Variants in MYH9 observed in about 807,000 individuals in gnomAD.
MYH9 encodes the protein myosin-9.
In MYH9, 29 loss-of-function variants were observed where a neutral mutation model predicts 241.9. The ratio of observed to expected loss-of-function variants is 0.12; its 90% CI spans 0.09 to 0.16. The LOEUF (loss-of-function observed/expected upper bound fraction) is 0.16. Ranked by LOEUF, MYH9 falls within the 10% of genes least tolerant of loss-of-function variation. MYH9 has a pLI of 1.00. For missense variants in MYH9, 1,803 were observed against 2,595.5 expected, an observed-to-expected ratio of 0.69 and a Z score of 6.63; for synonymous variants, 1,047 against 1,062.6, an observed-to-expected ratio of 0.99 and a Z score of 0.29.
intron 1 of MYH9, among the ~76,000 whole-genome samples, chr22:36,375,187 T>C (rs2294357): frequency 0.18 from 27,646 of 152,120 alleles, 2,955 homozygotes; most frequent in African/African-American, 0.3. Context: ...AGGAACCCAA[T>C]GGTTTCAAGA....
intron 30 of MYH9, 146 bp from the exon 31 acceptor site, chr22:36,292,380 C>A: frequency 9.4e-7 from 1 of 1,069,218 alleles, no homozygotes; most frequent in Non-Finnish European, 1.4e-6. Flanking sequence ...CTCCCCCAGT[C>A]ACTTCCCTCT....
intron 1 of MYH9, among the ~76,000 whole-genome samples, chr22:36,377,410 G>A (rs1244619490): frequency 6.6e-6 from 1 of 151,884 alleles, no homozygotes; most frequent in Non-Finnish European, 1.5e-5. Context: ...CTTTGTAACA[G>A]CCTTTCTAAA....
chr22:36,318,364 C>T (rs1464500864), intron 10 of MYH9, 39 bp from the exon 11 acceptor site: 1 of 1,472,064 alleles, frequency 6.8e-7, no homozygotes, highest in African/African-American at 1.4e-5. Context: ...ACAAAAAGTC[C>T]TAATTAGACC....
intron 2 of MYH9, among the ~76,000 whole-genome samples, chr22:36,347,793 C>T (rs1363037189): frequency 8.5e-6 from 1 of 117,414 alleles, no homozygotes; most frequent in Non-Finnish European, 1.8e-5. Flanking sequence ...TTAAAAAAGA[C>T]CCTGTCTCAA....
chr22:36,349,024 G>A lies in MYH9; in HGVS notation c.213C>T (p.Asp71=). Residue 71 remains aspartate (D), a synonymous_variant, in exon 2 of 41, where the codon GAC becomes GAT. Transcript: ENST00000216181. ...NGKKVKVNKD[D]IQKMNPPKFS... ...ACTTGGGCGGGTTCATCTTCTGGAT[G>A]TCATCCTTGTTCACCTTCACCTTCT... 1 of 1,614,254 alleles carries A rather than the reference G, an allele frequency of 6.2e-7. No homozygotes were observed. Among genetic ancestry groups the A allele is most frequent in the Admixed American group, 1.7e-5 (1 of 60,032 alleles).
intron 24 of MYH9, among the ~76,000 whole-genome samples, chr22:36,298,401 G>T (rs890837916): frequency 6.6e-6 from 1 of 152,180 alleles, no homozygotes; most frequent in Admixed American, 6.5e-5. Flanking sequence ...GTCAAGCAAT[G>T]AACTTCCGCA....
Position 36,296,717 on chromosome 22 carries a change from T to C in MYH9, c.3272+126A>G, listed in dbSNP as rs556578395. On this transcript the variant is annotated intron_variant, in intron 25 of 40. Coordinates refer to ENST00000216181, the MANE Select transcript of MYH9 (RefSeq NM_002473.6). ...AAGAACTGTTTTGCTATGAAATAAATGGCTCTTTTAAGACAACAGTGGAAA... is the reference window on the plus strand; with the variant it reads ...AAGAACTGTTTTGCTATGAAATAAACGGCTCTTTTAAGACAACAGTGGAAA... The C allele has an allele frequency of 1.3e-5, 14 of 1,093,580 alleles. No individual in the cohort carries two copies. The Admixed American group carries it at 4.1e-4, about 32-fold the overall frequency. The allele number at this position is 1,093,580 out of a possible 1,614,324, so 67.7% of individuals were successfully genotyped here.
At position 36,302,732 on chromosome 22, in the gene MYH9, C is replaced by G. The variant is rs1603483096; in HGVS notation, c.2391-56G>C. 9 of 1,466,616 alleles carry G rather than the reference C, an allele frequency of 6.1e-6. No homozygotes were observed. The East Asian group carries it at 2.1e-4, about 34-fold the overall frequency. The allele number at this position is 1,466,616 out of a possible 1,614,324, so 90.9% of individuals were successfully genotyped here. On this transcript the variant is annotated intron_variant, in intron 19 of 40. Coordinates refer to ENST00000216181, the MANE Select transcript of MYH9 (RefSeq NM_002473.6). ...GCAGTGGACAGCAGACCCGACCTAA[C>G]AGTCCTGGTCTTGTCCTCAAGCTTT... is the stretch of plus-strand genomic sequence containing the variant.
Position 36,281,933 on chromosome 22 carries a change from C to G in MYH9, c.*735G>C. The G allele has an allele frequency of 4.3e-6, 1 of 232,324 alleles. No homozygotes were observed. The highest frequency in any genetic ancestry group is 8.5e-6 in the Non-Finnish European group (1 of 117,248). The allele number at this position is 232,324 out of a possible 1,614,324, so 14.4% of individuals were successfully genotyped here. A position where few individuals can be genotyped will look rare whatever the true frequency, so the allele number is the denominator to read the frequency against. ...AGGCTGCTGGCCTTTCCAGCTTGAC[C>G]CCGACAGCCTTGCTGTGGCAGAGGC... On this transcript the variant is annotated 3_prime_UTR_variant, in exon 41 of 41. Coordinates refer to ENST00000216181, the MANE Select transcript of MYH9 (RefSeq NM_002473.6).
chr22:36,305,546 G>A lies in MYH9; in HGVS notation c.2159+384C>T, dbSNP rs142023501. 1.4e-3 allele frequency among the ~76,000 whole-genome samples: 212 copies of A among 152,296 alleles called. 3 individuals are homozygous for A. Among genetic ancestry groups the A allele is most frequent in the Non-Finnish European group, 2.2e-4 (15 of 68,028 alleles). ...GTCATTAGAGAAACAGGAAGGTGTC[G>A]CCGTCTTCGCACACAGCAACGCACG... On this transcript the variant is annotated intron_variant, in intron 17 of 40. Coordinates refer to ENST00000216181, the MANE Select transcript of MYH9 (RefSeq NM_002473.6). The surrounding 1 kb of genome is among the most constrained non-coding windows in gnomAD (Gnocchi z 4.7).
At chr22:36,341,817 C>T (rs2017595352) in intron 2 of MYH9, among the ~76,000 whole-genome samples, 1 of 152,202 alleles carries the variant, frequency 6.6e-6, no homozygotes, top group Non-Finnish European at 1.5e-5. Flanking sequence ...AGGTCCGCGG[C>T]CAAGCAGACA....
chr22:36,309,468 C>T, intron 14 of MYH9, 72 bp from the exon 15 acceptor site: 5 of 1,138,836 alleles, frequency 4.4e-6, no homozygotes, highest in Non-Finnish European at 1.3e-6. Flanking sequence ...CTCCGGAGCA[C>T]AGGCTAACCC....
rs575828650 is a variant in MYH9, at chr22:36,295,424, A to G, written c.3485+81T>C. 2 of 1,068,022 alleles carry G rather than the reference A, an allele frequency of 1.9e-6. No homozygotes were observed. Among genetic ancestry groups the G allele is most frequent in the African/African-American group, 3.1e-5 (2 of 64,216 alleles). 66.2% of individuals were successfully genotyped at this position (1,068,022 alleles called of 1,614,324 possible). A position where few individuals can be genotyped will look rare whatever the true frequency, so the allele number is the denominator to read the frequency against. ...ACGGTGTGTGTGTGTGTGTGTGTGC[A>G]GAGGCCCGGGGTCCATGTCTCCAAG... is the stretch of plus-strand genomic sequence containing the variant. On this transcript the variant is annotated intron_variant, in intron 26 of 40. Coordinates refer to ENST00000216181, the MANE Select transcript of MYH9 (RefSeq NM_002473.6). The surrounding 1 kb of genome is among the most constrained non-coding windows in gnomAD (Gnocchi z 4.1).
intron 1 of MYH9, among the ~76,000 whole-genome samples, chr22:36,365,541 G>A (rs1176494298): frequency 2.6e-5 from 4 of 151,834 alleles, no homozygotes; most frequent in South Asian, 2.1e-4. Context: ...ATCTTGGCTC[G>A]CTGCAACCTC....
At chr22:36,319,727 G>T in intron 9 of MYH9, 92 bp from the exon 10 acceptor site, 2 of 1,277,148 alleles carry the variant, frequency 1.6e-6, no homozygotes, top group Non-Finnish European at 2.2e-6. Flanking sequence ...CCTCAAGCCA[G>T]ACAAGCCAAG....
chr22:36,328,240 C>T lies in MYH9; in HGVS notation c.491-752G>A, dbSNP rs1307665715. Among the ~76,000 whole-genome samples, 4 of 152,352 alleles carry T rather than the reference C, an allele frequency of 2.6e-5. No homozygotes were observed. In the East Asian group the frequency reaches 7.7e-4, roughly 29 times the overall value. On this transcript the variant is annotated intron_variant, in intron 3 of 40. Coordinates refer to ENST00000216181, the MANE Select transcript of MYH9 (RefSeq NM_002473.6). ...GTCAGGAACTTTCAGCAACTATCAA[C>T]AGCTCTATGAACTGCTCGGCAAGGA... is the stretch of plus-strand genomic sequence containing the variant.
At chr22:36,370,800 G>C (rs1038560613) in intron 1 of MYH9, among the ~76,000 whole-genome samples, 1 of 151,164 alleles carries the variant, frequency 6.6e-6, no homozygotes, top group Non-Finnish European at 1.5e-5. Context: ...TAGAAGCCCG[G>C]AGCAGAGAGC....
At chr22:36,303,652 C>T (rs975100182) in intron 19 of MYH9, among the ~76,000 whole-genome samples, 10 of 151,800 alleles carry the variant, frequency 6.6e-5, no homozygotes, top group African/African-American at 1.7e-4. Flanking sequence ...GGCGTGGTGG[C>T]GTGCACCTGT....
At chr22:36,317,206 G>A (rs1026678604) in intron 11 of MYH9, among the ~76,000 whole-genome samples, 4 of 152,284 alleles carry the variant, frequency 2.6e-5, no homozygotes, top group South Asian at 4.1e-4. Context: ...AGCCGCCTAC[G>A]TGATGGGCAC....
Sources: allele counts gnomAD v4.1 joint callset (sites outside exome capture counted in the v4.1 genomes callset), GRCh38; gene constraint gnomAD v4.1.1; non-coding constraint Gnocchi (gnomAD v3.1); transcripts MANE v1.5; gene names NCBI Gene and HGNC (gene_info 2026-07-23, HGNC 2026-07-21).